MBNL2: variants seen among roughly 807,000 people sequenced by gnomAD.
The protein encoded by MBNL2 is muscleblind like splicing regulator 2.
In MBNL2, 17 loss-of-function variants were observed where a neutral mutation model predicts 41.9. The observed-to-expected ratio is 0.41, with a 90% CI of 0.28 to 0.61. The LOEUF is 0.61. Ranked by LOEUF, MBNL2 falls within the 20% of genes least tolerant of loss-of-function variation. MBNL2 has a pLI of 0.35. For missense variants in MBNL2, 336 were observed against 505.6 expected (o/e 0.66, Z 3.22); for synonymous variants, 195 against 182.9 (o/e 1.07, Z -0.53).
At chr13:97,325,330 G>A (rs557361301) in intron 2 of MBNL2, among the ~76,000 whole-genome samples, 2 of 152,100 alleles carry the variant, frequency 1.3e-5, no homozygotes, top group South Asian at 4.1e-4. Context: ...AATCCTTATC[G>A]GTAAGAGGGG....
At chr13:97,187,611 AAAAAAAAAAAAAG>A in the MBNL2 span, among the ~76,000 whole-genome samples, 2 of 148,300 alleles carry the variant, frequency 1.3e-5, no homozygotes, top group Non-Finnish European at 3.0e-5. Flanking sequence ...AAAAAAAAAA[AAAAAAAAAAAAAG>A]AGGCCGGGCG....
chr13:97,304,305 T>G (rs1183740475), intron 2 of MBNL2, among the ~76,000 whole-genome samples: 2 of 152,236 alleles, frequency 1.3e-5, no homozygotes, highest in African/African-American at 4.8e-5. Context: ...ATTGACTTGG[T>G]GAGGCTTAGC....
intron 8 of MBNL2, among the ~76,000 whole-genome samples, chr13:97,377,789 C>T (rs754410557): frequency 2.0e-5 from 3 of 152,178 alleles, no homozygotes; most frequent in Admixed American, 1.3e-4. Flanking sequence ...ATAGGGAAAG[C>T]GAAGAAGTGT....
At chr13:97,248,913 A>G (rs2046000690) in intron 1 of MBNL2, among the ~76,000 whole-genome samples, 1 of 152,202 alleles carries the variant, frequency 6.6e-6, no homozygotes, top group South Asian at 2.1e-4. Context: ...AAATTTTACT[A>G]TTATTAGAAA....
chr13:97,349,465 T>G (rs2062218997), intron 5 of MBNL2, among the ~76,000 whole-genome samples: 1 of 152,178 alleles, frequency 6.6e-6, no homozygotes, highest in South Asian at 2.1e-4. Flanking sequence ...CAGCTCCAAC[T>G]TATCCTAATT....
chr13:97,269,197 C>G (rs2050429129), intron 1 of MBNL2, among the ~76,000 whole-genome samples: 1 of 152,010 alleles, frequency 6.6e-6, no homozygotes, highest in Non-Finnish European at 1.5e-5. Flanking sequence ...GGAAATACAA[C>G]CAAAAAAGTC....
chr13:97,235,633 G>T (rs2043129915), intron 1 of MBNL2, among the ~76,000 whole-genome samples: 1 of 152,152 alleles, frequency 6.6e-6, no homozygotes, highest in Admixed American at 6.5e-5. Flanking sequence ...GTAGAAAGTG[G>T]AAGAAAAACA....
chr13:97,289,440 T>A (rs2055364578), intron 2 of MBNL2, among the ~76,000 whole-genome samples: 1 of 152,008 alleles, frequency 6.6e-6, no homozygotes, highest in South Asian at 2.1e-4. Flanking sequence ...GGCATTTAAA[T>A]CATATGGCCT....
In MBNL2 at chr13:97,287,918, G is replaced by GTTTTTTTTTTTTTTTTTTTTTTTT. The variant is rs11423615; in HGVS notation, c.174+11519_174+11520insTTTTTTTTTTTTTTTTTTTTTTTT. Among the ~76,000 whole-genome samples, 7 of 124,626 alleles carry GTTTTTTTTTTTTTTTTTTTTTTTT rather than the reference G, an allele frequency of 5.6e-5. 1 individual carries two copies. The highest frequency in any genetic ancestry group is 2.4e-4 in the African/African-American group (7 of 28,782). The allele number at this position is 124,626 out of a possible 152,430, so 81.8% of individuals were successfully genotyped here. ...TGCCACCAGGCCCGGCTAATTTTCTGTTTTTTTTTTGTTTTGTTTTGTTTT... is the reference window on the plus strand; with the variant it reads ...TGCCACCAGGCCCGGCTAATTTTCTGTTTTTTTTTTTTTTTTTTTTTTTTTTTTTTTTTTGTTTTGTTTTGTTTT... On this transcript the variant is annotated intron_variant, in intron 2 of 8. Coordinates refer to ENST00000679496, the MANE Select transcript of MBNL2 (RefSeq NM_001382683.1).
chr13:97,269,538 G>A (rs976518372), intron 1 of MBNL2, among the ~76,000 whole-genome samples: 2 of 152,244 alleles, frequency 1.3e-5, no homozygotes, highest in East Asian at 1.9e-4. Flanking sequence ...TTTCCACCGT[G>A]CCCTCAGGGA....
In MBNL2 at chr13:97,309,525, C is replaced by T. The variant is rs118044233; in HGVS notation, c.175-24751C>T. On this transcript the variant is annotated intron_variant, in intron 2 of 8. Transcript: ENST00000679496. ...CACAGTCAACAAGAGGGTGCTGGGA[C>T]GGATCTTTTCCTCAGGGCCCTCAGA... Among the ~76,000 whole-genome samples, 1,148 of 152,256 alleles carry T rather than the reference C, an allele frequency of 7.5e-3. 11 individuals carry two copies. The highest frequency in any genetic ancestry group is 0.012 in the Non-Finnish European group (796 of 68,006).
chr13:97,154,026 T>A, the MBNL2 span, among the ~76,000 whole-genome samples: 2 of 152,186 alleles, frequency 1.3e-5, no homozygotes, highest in Non-Finnish European at 2.9e-5. Context: ...TTCTGTAGGA[T>A]AAATATTCTG....
At position 97,334,175 on chromosome 13, in the gene MBNL2, CA is replaced by C; in HGVS notation, c.175-100del. ...ACACACACACACACACACACACACA[CA>C]GGATCCTTGCTTTTGTGCATAAGAA... On this transcript the variant is annotated intron_variant, in intron 2 of 8. Coordinates refer to ENST00000679496, the MANE Select transcript of MBNL2 (RefSeq NM_001382683.1). The surrounding 1 kb of genome is among the most constrained non-coding windows in gnomAD (Gnocchi z 5.3). The C allele has an allele frequency of 4.5e-6, 4 of 879,238 alleles. No homozygotes were observed. Among genetic ancestry groups the C allele is most frequent in the Non-Finnish European group, 5.3e-6 (3 of 563,444 alleles). 54.5% of individuals were successfully genotyped at this position (879,238 alleles called of 1,614,324 possible).
chr13:97,175,347 C>T, the MBNL2 span, among the ~76,000 whole-genome samples: 8 of 152,278 alleles, frequency 5.3e-5, no homozygotes, highest in East Asian at 7.7e-4. Flanking sequence ...TCTTATACAA[C>T]GAATCCTGAC....
rs541146566 is a variant in MBNL2 at position 97,310,881 on chromosome 13, G to C, written c.175-23395G>C. ...GTCACCTGAGATGAACTCTTTATTA[G>C]ATAGAACTTTAGCTCTGAGTTTCCT... On this transcript the variant is annotated intron_variant, in intron 2 of 8. Transcript: ENST00000679496. Among the ~76,000 whole-genome samples the C allele has an allele frequency of 3.5e-4, 52 of 148,766 alleles. 1 individual carries two copies. Among genetic ancestry groups the C allele is most frequent in the Middle Eastern group, 3.5e-3 (1 of 288 alleles).
At chr13:97,187,261 A>C in the MBNL2 span, among the ~76,000 whole-genome samples, 1 of 152,170 alleles carries the variant, frequency 6.6e-6, no homozygotes, top group African/African-American at 2.4e-5. Flanking sequence ...TATTACCAAA[A>C]AGAAGAGATA....
At chr13:97,362,355 G>A (rs1424850081) in intron 7 of MBNL2, among the ~76,000 whole-genome samples, 1 of 152,216 alleles carries the variant, frequency 6.6e-6, no homozygotes, top group Non-Finnish European at 1.5e-5. Flanking sequence ...AGTTCAGTGA[G>A]ATTAAAAATA....
chr13:97,279,044 T>A (rs1334634356), intron 2 of MBNL2, among the ~76,000 whole-genome samples: 8 of 152,232 alleles, frequency 5.3e-5, no homozygotes, highest in Non-Finnish European at 1.0e-4. Context: ...ATTACGAGGT[T>A]CTTGTGAGGA....
the MBNL2 span, among the ~76,000 whole-genome samples, chr13:97,212,045 G>A: frequency 6.6e-6 from 1 of 152,152 alleles, no homozygotes; most frequent in African/African-American, 2.4e-5. Context: ...AGAGGGAAGA[G>A]AGTGAGGAAA....
Sources: gnomAD v4.1 joint callset for allele counts (sites outside exome capture counted in the v4.1 genomes callset) on GRCh38, gnomAD v4.1.1 for gene constraint, Gnocchi (gnomAD v3.1) non-coding constraint, MANE v1.5 for transcripts, NCBI Gene and HGNC (gene_info 2026-07-23, HGNC 2026-07-21) for gene names.